Variants in LRBA observed in about 807,000 individuals in gnomAD.
LRBA encodes LPS responsive beige-like anchor protein.
LRBA carries 176 observed loss-of-function variants against 330.0 expected under a neutral mutation model. The ratio of observed to expected loss-of-function variants is 0.53; its 90% CI spans 0.47 to 0.60. The LOEUF is 0.60. Ranked by LOEUF, LRBA falls within the 20% of genes least tolerant of loss-of-function variation. The pLI is 0.00. For missense variants in LRBA, 3,259 were observed against 3,444.8 expected (o/e 0.95, Z 1.35); for synonymous variants, 1,230 against 1,193.0 (o/e 1.03, Z -0.64).
intron 48 of LRBA, among the ~76,000 whole-genome samples, chr4:150,326,906 C>T (rs916318452): frequency 6.6e-6 from 1 of 151,996 alleles, no homozygotes; most frequent in Non-Finnish European, 1.5e-5. Context: ...AAATTGGAGC[C>T]AAAAGGAAGT....
chr4:150,785,609 T>C (rs1738936203), intron 34 of LRBA, among the ~76,000 whole-genome samples: 1 of 152,208 alleles, frequency 6.6e-6, no homozygotes, highest in Non-Finnish European at 1.5e-5. Context: ...TATTTCAGTG[T>C]CATAATTTCC....
rs372448263 is a variant in LRBA at position 150,599,091 on chromosome 4, C to T, written c.5962G>A (p.Asp1988Asn). The T allele has an allele frequency of 5.1e-5, 82 of 1,613,974 alleles. No homozygotes were observed. The highest frequency in any genetic ancestry group is 1.8e-5 in the Non-Finnish European group (21 of 1,179,980). Reference sequence around the variant, plus strand: ...ACAAATCGTCGCCGGCGCCGCAAGTCATCTTCCCAGTAGTCAAGGCGCCAG... The same window carrying T: ...ACAAATCGTCGCCGGCGCCGCAAGTTATCTTCCCAGTAGTCAAGGCGCCAG... ...EFWRLDYWEDDLRRRRRFVRN... is the reference protein window; with the variant it reads ...EFWRLDYWEDNLRRRRRFVRN... Residue 1988 changes from aspartate (D) to asparagine (N), a missense_variant, in exon 38 of 57, where the codon GAC (aspartate) becomes AAC (asparagine). Asp to Asn is a conservative substitution (Grantham distance 23). Transcript: ENST00000651943.
intron 2 of LRBA, among the ~76,000 whole-genome samples, chr4:151,007,220 A>G (rs1375718783): frequency 6.6e-6 from 1 of 152,212 alleles, no homozygotes; most frequent in African/African-American, 2.4e-5. Context: ...ATGGCACTCT[A>G]GCCGGGTGCA....
chr4:150,332,667 A>G (rs1040851692), intron 48 of LRBA, among the ~76,000 whole-genome samples: 2 of 151,848 alleles, frequency 1.3e-5, no homozygotes, highest in Non-Finnish European at 2.9e-5. Flanking sequence ...CATTTCAAAA[A>G]AAGCTTGCTT....
chr4:150,447,048 T>C (rs1211126479), intron 44 of LRBA, among the ~76,000 whole-genome samples: 5 of 152,188 alleles, frequency 3.3e-5, no homozygotes, highest in Admixed American at 3.3e-4. Flanking sequence ...CCACTGCACC[T>C]GCAATAGCTG....
intron 2 of LRBA, among the ~76,000 whole-genome samples, chr4:150,991,088 AGAG>A (rs1742030549): frequency 6.6e-6 from 1 of 151,984 alleles, no homozygotes; most frequent in Non-Finnish European, 1.5e-5. Context: ...AAGAAGAAAA[AGAG>A]GAGGAAGAGG....
At chr4:150,462,528 T>A (rs1292013111) in intron 44 of LRBA, among the ~76,000 whole-genome samples, 2 of 151,562 alleles carry the variant, frequency 1.3e-5, no homozygotes, top group Admixed American at 6.6e-5. Flanking sequence ...TAAAAGAAGA[T>A]CAGAAAAATA....
chr4:150,826,323 G>C (rs192464331), intron 30 of LRBA, among the ~76,000 whole-genome samples: 2 of 152,148 alleles, frequency 1.3e-5, no homozygotes, highest in Non-Finnish European at 2.9e-5. Flanking sequence ...ATTTGGGATG[G>C]GGGGGAAGCC....
intron 2 of LRBA, among the ~76,000 whole-genome samples, chr4:150,983,689 A>T (rs2149609668): frequency 6.6e-6 from 1 of 151,580 alleles, no homozygotes; most frequent in Admixed American, 6.6e-5. Context: ...TCCTGTCCTC[A>T]GGTGATCCGC....
chr4:150,264,747 G>A lies in LRBA; in HGVS notation c.*975C>T, dbSNP rs1378334481. On this transcript the variant is annotated 3_prime_UTR_variant, in exon 57 of 57. Transcript: ENST00000651943. ...TTCCACACAGTAATCTACTAGAAAA[G>A]TAGAATTATACACCACCAAATAACA... 2.0e-5 allele frequency: 3 copies of A among 152,664 alleles called. No individual in the cohort carries two copies. The highest frequency in any genetic ancestry group is 7.2e-5 in the African/African-American group (3 of 41,464). 9.5% of individuals were successfully genotyped at this position (152,664 alleles called of 1,614,324 possible).
At chr4:150,810,204 C>T (rs981275008) in intron 31 of LRBA, among the ~76,000 whole-genome samples, 1 of 152,078 alleles carries the variant, frequency 6.6e-6, no homozygotes, top group Non-Finnish European at 1.5e-5. Context: ...AGGTCTCAGT[C>T]AAATCTAAGG....
At chr4:150,619,973 T>C (rs1005059919) in intron 37 of LRBA, among the ~76,000 whole-genome samples, 1 of 152,152 alleles carries the variant, frequency 6.6e-6, no homozygotes, top group Non-Finnish European at 1.5e-5. Flanking sequence ...CCACTACTAA[T>C]GTATAAAATT....
intron 36 of LRBA, among the ~76,000 whole-genome samples, chr4:150,725,700 T>A (rs913292086): frequency 1.3e-5 from 2 of 152,138 alleles, no homozygotes; most frequent in South Asian, 4.1e-4. Context: ...TAGTATTACA[T>A]TGTAATTGGA....
At chr4:150,501,949 G>A (rs1760335935) in intron 40 of LRBA, among the ~76,000 whole-genome samples, 1 of 152,180 alleles carries the variant, frequency 6.6e-6, no homozygotes, top group Non-Finnish European at 1.5e-5. Flanking sequence ...GCAGGGCCCA[G>A]AGGAAAATAG....
intron 36 of LRBA, among the ~76,000 whole-genome samples, chr4:150,705,475 T>C (rs551299711): frequency 1.8e-4 from 27 of 152,088 alleles, no homozygotes; most frequent in African/African-American, 6.5e-4. Flanking sequence ...ATGGAAATTG[T>C]AAAGTTATTC....
intron 2 of LRBA, among the ~76,000 whole-genome samples, chr4:150,983,449 C>CTTTTTTTT (rs35205576): frequency 1.9e-5 from 2 of 107,242 alleles, no homozygotes; most frequent in African/African-American, 3.8e-5. Flanking sequence ...AGCAAGCACT[C>CTTTTTTTT]TTTTTTTTTT....
chr4:150,842,552 A>T (rs1271787815), intron 28 of LRBA, among the ~76,000 whole-genome samples: 1 of 152,232 alleles, frequency 6.6e-6, no homozygotes, highest in Non-Finnish European at 1.5e-5. Context: ...CAGAGGAGAA[A>T]ACAGCAACAT....
intron 2 of LRBA, among the ~76,000 whole-genome samples, chr4:150,985,050 G>A (rs895097456): frequency 7.9e-5 from 12 of 152,080 alleles, no homozygotes; most frequent in African/African-American, 2.7e-4. Flanking sequence ...CTAAGGTAGG[G>A]AGTTCAAGAC....
chr4:150,919,662 T>C (rs1733032679), intron 5 of LRBA, among the ~76,000 whole-genome samples: 2 of 152,228 alleles, frequency 1.3e-5, no homozygotes, highest in African/African-American at 4.8e-5. Flanking sequence ...GAAAAACATA[T>C]ATTCAGTGCG....
Sources: allele counts gnomAD v4.1 joint callset (sites outside exome capture counted in the v4.1 genomes callset), GRCh38; gene constraint gnomAD v4.1.1; transcripts MANE v1.5; gene names NCBI Gene and HGNC (gene_info 2026-07-23, HGNC 2026-07-21).